The following ATP13A4 variants were observed in gnomAD, a reference collection of about 807,000 sequenced individuals.
ATP13A4 encodes the protein probable cation-transporting ATPase 13A4.
A neutral mutation model predicts 142.5 loss-of-function variants in ATP13A4; 114 were observed. The observed-to-expected ratio is 0.80, with a 90% CI of 0.69 to 0.93. ATP13A4 has a LOEUF of 0.93. ATP13A4 is among the 40% of genes least tolerant of loss of function. The pLI, the probability that ATP13A4 is intolerant of heterozygous loss-of-function variation, is 0.00. For missense variants in ATP13A4, 1,392 were observed against 1,454.0 expected, an observed-to-expected ratio of 0.96 and a Z score of 0.69; for synonymous variants, 488 against 514.8, an observed-to-expected ratio of 0.95 and a Z score of 0.70.
At position 193,502,539 on chromosome 3, in the gene ATP13A4, T is replaced by A. The variant is rs1379995169; in HGVS notation, c.335A>T (p.Asp112Val). 4 of 1,613,940 alleles carry A rather than the reference T, an allele frequency of 2.5e-6. No individual in the cohort carries two copies. Among genetic ancestry groups the A allele is most frequent in the South Asian group, 2.2e-5 (2 of 91,088 alleles). ...GLTPDHPLMT[D>V]EEYIINRAIR... ...GGCTCTATTTATGATATACTCCTCA[T>A]CTGTCATGAGAGGGTGGTCAGGAGT... Residue 112 changes from aspartate (D) to valine (V), a missense_variant, in exon 3 of 30, where the codon GAT (aspartate) becomes GTT (valine). By Grantham distance (152) the Asp-to-Val change is radical. Transcript: ENST00000342695.
At position 193,465,031 on chromosome 3, in the gene ATP13A4, G is replaced by A. The variant is rs150003375; in HGVS notation, c.1370C>T (p.Ala457Val). 21 of 1,614,016 alleles carry A rather than the reference G, an allele frequency of 1.3e-5. No homozygotes were observed. In the African/African-American group the frequency reaches 2.5e-4, roughly 19 times the overall value. ...GCCTCTCTTCTTCAGCCTCCTCTGG[G>A]CATAGATAATGCCTGTGGTCAGAGC... is the stretch of plus-strand genomic sequence containing the variant. ...PAALTTGIIY[A>V]QRRLKKRGIF... Residue 457 changes from alanine (A) to valine (V), a missense_variant, in exon 12 of 30, where the codon GCC (alanine) becomes GTC (valine). Transcript: ENST00000342695.
intron 17 of ATP13A4, among the ~76,000 whole-genome samples, chr3:193,449,432 G>A (rs532107976): frequency 2.2e-4 from 34 of 152,306 alleles, no homozygotes; most frequent in Non-Finnish European, 3.7e-4. Flanking sequence ...ATGAACTAGC[G>A]TTAGTGATGC....
chr3:193,410,415 T>C (rs1714708214), intron 28 of ATP13A4, among the ~76,000 whole-genome samples: 1 of 152,238 alleles, frequency 6.6e-6, no homozygotes, highest in Non-Finnish European at 1.5e-5. Context: ...GGAGATCTTT[T>C]AAAATAAAAA....
At position 193,484,004 on chromosome 3, in the gene ATP13A4, T is replaced by A. The variant is rs1480684588; in HGVS notation, c.740A>T (p.Gln247Leu). 6.2e-7 allele frequency: 1 copy of A among 1,607,042 alleles called. No individual in the cohort carries two copies. The highest frequency in any genetic ancestry group is 1.7e-5 in the Admixed American group (1 of 59,996). The change falls in exon 8 of 30, where the codon CAA becomes CTA. Residue 247 changes from glutamine (Q) to leucine (L), a missense_variant and splice_region_variant. Transcript: ENST00000342695. ...GACGAGATGGTGGAGTTTTACAGAT[T>A]GCTGAAAAAGAAGGAAAAATGGAAA... Reference protein sequence around the residue: ...ISLTVYDLREQSVKLHHLVES... With the variant: ...ISLTVYDLRELSVKLHHLVES...
chr3:193,541,117 C>T (rs1414839963), intron 1 of ATP13A4, among the ~76,000 whole-genome samples: 6 of 150,574 alleles, frequency 4.0e-5, no homozygotes, highest in Non-Finnish European at 7.4e-5. Context: ...GGCGTGGTGG[C>T]AGGCGCCTGT....
At chr3:193,457,354 G>C (rs1224418377) in intron 15 of ATP13A4, 25 bp downstream of exon 15, 1 of 1,611,218 alleles carries the variant, frequency 6.2e-7, no homozygotes, top group East Asian at 2.2e-5. Context: ...TGGGTGTTGT[G>C]GGGTGAAGAG....
At chr3:193,474,919 T>C (rs1036202145) in intron 8 of ATP13A4, among the ~76,000 whole-genome samples, 2 of 152,030 alleles carry the variant, frequency 1.3e-5, no homozygotes, top group African/African-American at 4.8e-5. Context: ...AATTACTTTC[T>C]AAAAAAGAGA....
intron 3 of ATP13A4, among the ~76,000 whole-genome samples, chr3:193,498,250 C>T (rs1489726043): frequency 6.6e-6 from 1 of 150,636 alleles, no homozygotes; most frequent in African/African-American, 2.4e-5. Flanking sequence ...CCAGATTAAA[C>T]CAGTAAAAAA....
chr3:193,438,393 C>T lies in ATP13A4; in HGVS notation c.2672+82G>A, dbSNP rs1223374288. 5.0e-6 allele frequency: 6 copies of T among 1,190,398 alleles called. No individual in the cohort carries two copies. In the African/African-American group the frequency reaches 9.0e-5, roughly 18 times the overall value. 73.7% of individuals were successfully genotyped at this position (1,190,398 alleles called of 1,614,324 possible). A position where few individuals can be genotyped will look rare whatever the true frequency, so the allele number is the denominator to read the frequency against. The stretch of plus-strand genomic sequence containing the variant: ...CCGCACCCAGGGACAGAAAGTTTCT[C>T]TAGTCTTTCCCAGGCAGAACAATGT... On this transcript the variant is annotated intron_variant, in intron 23 of 29. Transcript: ENST00000342695.
chr3:193,575,070 C>A (rs1363027001), intron 2 of ATP13A4, among the ~76,000 whole-genome samples: 2 of 152,148 alleles, frequency 1.3e-5, no homozygotes, highest in East Asian at 3.9e-4. Context: ...GTGAACTAGT[C>A]TGAGAATGGT....
chr3:193,529,090 C>T (rs891780462), intron 1 of ATP13A4, among the ~76,000 whole-genome samples: 4 of 151,920 alleles, frequency 2.6e-5, no homozygotes, highest in South Asian at 2.1e-4. Context: ...GCTAACATGG[C>T]GAAACCCCGT....
At chr3:193,532,728 T>G (rs1560263396) in intron 1 of ATP13A4, among the ~76,000 whole-genome samples, 1 of 152,188 alleles carries the variant, frequency 6.6e-6, no homozygotes, top group Admixed American at 6.5e-5. Flanking sequence ...GGAAATAATC[T>G]GAAATGAAAA....
At chr3:193,582,156 T>A (rs1223845196) in intron 1 of ATP13A4, among the ~76,000 whole-genome samples, 3 of 148,928 alleles carry the variant, frequency 2.0e-5, no homozygotes, top group Non-Finnish European at 4.5e-5. Flanking sequence ...TTTCTTTTTT[T>A]TTTTTTTTTT....
chr3:193,564,963 T>G (rs1168179050), intron 2 of ATP13A4, among the ~76,000 whole-genome samples: 2 of 152,206 alleles, frequency 1.3e-5, no homozygotes, highest in Non-Finnish European at 2.9e-5. Context: ...CTCCAATGCC[T>G]GATGAACTGT....
chr3:193,442,261 G>C, intron 19 of ATP13A4, 132 bp downstream of exon 19: 1 of 932,962 alleles, frequency 1.1e-6, no homozygotes, highest in Non-Finnish European at 1.7e-6. Context: ...AAAAACCAAT[G>C]TAACTGAGTT....
chr3:193,425,402 T>C (rs768457779), intron 25 of ATP13A4, among the ~76,000 whole-genome samples: 1 of 151,684 alleles, frequency 6.6e-6, no homozygotes, highest in African/African-American at 2.4e-5. Flanking sequence ...CAAAGAAATA[T>C]CTGCACTCCC....
Position 193,412,385 on chromosome 3 carries a change from C to T in ATP13A4, c.3015-14G>A. On this transcript the variant is annotated splice_polypyrimidine_tract_variant and intron_variant, in intron 26 of 29. Transcript: ENST00000342695. Reference sequence around the variant, plus strand: ...ACTGTGCAGGCACTAAAAGGGAAAACCAAAGAAGCTAATGAAGTAAGATTG... The same window carrying T: ...ACTGTGCAGGCACTAAAAGGGAAAATCAAAGAAGCTAATGAAGTAAGATTG... 6.2e-7 allele frequency: 1 copy of T among 1,612,242 alleles called. No individual in the cohort carries two copies. Among genetic ancestry groups the T allele is most frequent in the Non-Finnish European group, 8.5e-7 (1 of 1,178,542 alleles).
intron 2 of ATP13A4, among the ~76,000 whole-genome samples, chr3:193,571,701 G>A (rs1032095495): frequency 1.4e-4 from 21 of 152,018 alleles, no homozygotes; most frequent in African/African-American, 5.1e-4. Context: ...TATAAAACAC[G>A]TAATACCCCT....
chr3:193,460,119 C>T (rs899513065), intron 13 of ATP13A4, among the ~76,000 whole-genome samples: 1 of 152,192 alleles, frequency 6.6e-6, no homozygotes. Flanking sequence ...GCTCCCCCTC[C>T]TCCACATGCC....
Sources: allele counts gnomAD v4.1 joint callset (sites outside exome capture counted in the v4.1 genomes callset), GRCh38; gene constraint gnomAD v4.1.1; transcripts MANE v1.5; gene names NCBI Gene and HGNC (gene_info 2026-07-23, HGNC 2026-07-21).